STARD9: variants seen among roughly 807,000 people sequenced by gnomAD.
STARD9 encodes stAR-related lipid transfer protein 9.
In STARD9, 346 loss-of-function variants were observed where a neutral mutation model predicts 399.8. The ratio of observed to expected loss-of-function variants is 0.87; its 90% CI spans 0.79 to 0.95. The LOEUF (loss-of-function observed/expected upper bound fraction) is 0.95, where lower values mean the gene tolerates loss of function less well. STARD9 is among the 40% of genes least tolerant of loss of function. The probability of loss-of-function intolerance (pLI) is 0.00; values close to 1 mark genes in which losing one functional copy is unlikely to be tolerated. For synonymous variants in STARD9, 2,203 were observed against 2,143.5 expected (o/e 1.03, Z -0.77); for missense variants, 5,832 against 5,667.5 (o/e 1.03, Z -0.93).
Position 42,692,758 on chromosome 15 carries a change from C to T in STARD9, c.11180C>T (p.Ser3727Phe), listed in dbSNP as rs1794541393. Residue 3727 changes from serine to phenylalanine, a missense_variant, in exon 23 of 33, where the codon TCT becomes TTT. By Grantham distance (155) the Ser-to-Phe change is radical. Coordinates refer to ENST00000290607, the MANE Select transcript of STARD9 (RefSeq NM_020759.3). ...CCACAGGCCCTGATGATGGATGGCT[C>T]TACTCAGACCACTGTGGATGAGGGC... ...KAPQALMMDG[S>F]TQTTVDEGSQ... The T allele has an allele frequency of 2.6e-6, 4 of 1,537,006 alleles. No individual in the cohort carries two copies. Among genetic ancestry groups the T allele is most frequent in the Admixed American group, 3.9e-5 (2 of 50,978 alleles).
intron 13 of STARD9, among the ~76,000 whole-genome samples, chr15:42,664,401 T>C (rs1025892730): frequency 6.6e-6 from 1 of 152,348 alleles, no homozygotes; most frequent in Admixed American, 6.5e-5. Flanking sequence ...TCTTGCTCTG[T>C]TGCCCAGGCT....
chr15:42,608,594 T>TCCATC (rs1385869728), intron 3 of STARD9, among the ~76,000 whole-genome samples: 1 of 152,180 alleles, frequency 6.6e-6, no homozygotes, highest in Non-Finnish European at 1.5e-5. Context: ...GAACAAAAAC[T>TCCATC]CCATCCTCCA....
At chr15:42,623,622 T>C (rs775537637) in intron 3 of STARD9, among the ~76,000 whole-genome samples, 1 of 152,214 alleles carries the variant, frequency 6.6e-6, no homozygotes, top group Non-Finnish European at 1.5e-5. Flanking sequence ...TTTCTTTCCG[T>C]TGGGTATGGC....
chr15:42,711,068 C>A (rs2061208020), intron 26 of STARD9, among the ~76,000 whole-genome samples: 1 of 151,910 alleles, frequency 6.6e-6, no homozygotes, highest in African/African-American at 2.4e-5. Flanking sequence ...ACCTGCAACA[C>A]CTGACCTCAA....
chr15:42,638,375 G>A (rs1428760191), intron 6 of STARD9, among the ~76,000 whole-genome samples: 3 of 152,220 alleles, frequency 2.0e-5, no homozygotes, highest in East Asian at 1.9e-4. Flanking sequence ...AGAGCTCAAC[G>A]GTCATGTTTG....
At position 42,618,630 on chromosome 15, in the gene STARD9, C is replaced by T. The variant is rs2059020965; in HGVS notation, c.235-16226C>T. Reference sequence around the variant, plus strand: ...TATTTATTTATTTTTTTGAATCTTGCTCTGTCACCAGGCTGGAGTGCAGTG... The same window carrying T: ...TATTTATTTATTTTTTTGAATCTTGTTCTGTCACCAGGCTGGAGTGCAGTG... On this transcript the variant is annotated intron_variant, in intron 3 of 32. Coordinates refer to ENST00000290607, the MANE Select transcript of STARD9 (RefSeq NM_020759.3). Among the ~76,000 whole-genome samples, 3 of 151,026 alleles carry T rather than the reference C, an allele frequency of 2.0e-5. No individual in the cohort carries two copies. The South Asian group carries it at 6.3e-4, about 32-fold the overall frequency.
Position 42,675,733 on chromosome 15 carries a change from G to A in STARD9, c.1757G>A (p.Arg586Gln), listed in dbSNP as rs761928224. The change falls in exon 19 of 33, where the codon CGG becomes CAG. Residue 586 changes from arginine (R) to glutamine (Q), a missense_variant. Physicochemically the swap from Arg to Gln is conservative, Grantham distance 43. Around this residue, in one of 2 missense-constraint regions of STARD9, gnomAD observed 5,828 missense variants for 5,651.1 expected, o/e 1.03. Transcript: ENST00000290607. ...CACCCAGCAGAGGCTGCTGTCCTGC[G>A]GCAGCGAAGGCAGGTTAGCAGGGCT... is the stretch of plus-strand genomic sequence containing the variant. ...FNHPAEAAVL[R>Q]QRRQVGEAAA... 65 of 1,536,898 alleles carry A rather than the reference G, an allele frequency of 4.2e-5. No individual in the cohort carries two copies. Among genetic ancestry groups the A allele is most frequent in the African/African-American group, 2.6e-4 (19 of 73,028 alleles).
At position 42,689,449 on chromosome 15, in the gene STARD9, A is replaced by G; in HGVS notation, c.7871A>G (p.Glu2624Gly). ...PGFHVASLSA[E>G]AGQIDLLPDE... Reference sequence around the variant, plus strand: ...TTTCATGTGGCATCTCTATCTGCTGAAGCAGGGCAGATAGATCTGTTACCT... The same window carrying G: ...TTTCATGTGGCATCTCTATCTGCTGGAGCAGGGCAGATAGATCTGTTACCT... Residue 2624 changes from glutamate to glycine, a missense_variant, in exon 23 of 33, where the codon GAA (glutamate) becomes GGA (glycine). Physicochemically the swap from Glu to Gly is moderately conservative, Grantham distance 98. This residue lies in a region of STARD9 where 5,828 missense variants were observed against 5,651.1 expected (regional missense o/e 1.03). Transcript: ENST00000290607. 6.5e-7 allele frequency: 1 copy of G among 1,537,270 alleles called. No homozygotes were observed. The highest frequency in any genetic ancestry group is 8.7e-7 in the Non-Finnish European group (1 of 1,146,816).
At chr15:42,598,986 CAATCT>C (rs2058570516) in intron 3 of STARD9, among the ~76,000 whole-genome samples, 1 of 152,084 alleles carries the variant, frequency 6.6e-6, no homozygotes, top group Non-Finnish European at 1.5e-5. Context: ...TGCAGTGGCA[CAATCT>C]CAGCTCACTG....
chr15:42,644,027 A>G (rs1018243911), intron 7 of STARD9, among the ~76,000 whole-genome samples: 2 of 152,262 alleles, frequency 1.3e-5, no homozygotes, highest in Non-Finnish European at 2.9e-5. Context: ...CTAAAACAAC[A>G]TGTATACAGA....
At chr15:42,683,172 A>T (rs1336020116) in intron 22 of STARD9, among the ~76,000 whole-genome samples, 1 of 152,186 alleles carries the variant, frequency 6.6e-6, no homozygotes, top group East Asian at 1.9e-4. Context: ...TATCCTCAGG[A>T]CCTAGCACAG....
Position 42,684,707 on chromosome 15 carries a change from G to A in STARD9, c.3129G>A (p.Arg1043=), listed in dbSNP as rs1480285905. ...CTTCTCCAAGCAGGGCATCAAAAAG[G>A]CATCAGAGGGTTCTGGCAACTAGGG... is the stretch of plus-strand genomic sequence containing the variant. ...KPPSPSRASK[R]HQRVLATRVR... The change falls in exon 23 of 33, where the codon AGG becomes AGA. Residue 1043 remains arginine, a synonymous_variant. Transcript: ENST00000290607. The A allele has an allele frequency of 6.5e-7, 1 of 1,537,192 alleles. No homozygotes were observed. Among genetic ancestry groups the A allele is most frequent in the Non-Finnish European group, 8.7e-7 (1 of 1,146,908 alleles).
chr15:42,594,237 A>C (rs772373681), intron 3 of STARD9, among the ~76,000 whole-genome samples: 1 of 152,212 alleles, frequency 6.6e-6, no homozygotes, highest in East Asian at 1.9e-4. Flanking sequence ...ACAGAGCTGG[A>C]CTGCAGGAAC....
At chr15:42,633,993 A>G (rs148374586) in intron 3 of STARD9, among the ~76,000 whole-genome samples, 2 of 152,144 alleles carry the variant, frequency 1.3e-5, no homozygotes, top group East Asian at 3.9e-4. Flanking sequence ...GGAGAGGAAT[A>G]TCTGGCCTGT....
intron 15 of STARD9, among the ~76,000 whole-genome samples, chr15:42,667,556 G>A (rs141905082): frequency 1.2e-4 from 18 of 151,494 alleles, no homozygotes; most frequent in Non-Finnish European, 1.6e-4. Flanking sequence ...ATCTCGGCTC[G>A]CTGTAACCTC....
chr15:42,643,763 A>G (rs1052629094), intron 7 of STARD9, among the ~76,000 whole-genome samples: 3 of 152,104 alleles, frequency 2.0e-5, no homozygotes, highest in Non-Finnish European at 4.4e-5. Flanking sequence ...CCTCTTTTGT[A>G]GTATATTTAT....
rs888095586 is a variant in STARD9, at chr15:42,662,892, G to T, written c.868+1G>T. ...CTAGGAATTGTCATCTCCACCTTAG[G>T]TATTTTCTGATAGATAATGGGAGTG... On this transcript the variant is annotated splice_donor_variant, in intron 11 of 32. Transcript: ENST00000290607. LOFTEE classifies it high-confidence loss of function. 1.4e-5 allele frequency: 22 copies of T among 1,530,448 alleles called. No individual in the cohort carries two copies. The highest frequency in any genetic ancestry group is 1.8e-5 in the Non-Finnish European group (21 of 1,140,814). The allele number at this position is 1,530,448 out of a possible 1,614,324, so 94.8% of individuals were successfully genotyped here.
Position 42,685,217 on chromosome 15 carries a change from A to C in STARD9, c.3639A>C (p.Glu1213Asp). The change falls in exon 23 of 33, where the codon GAA becomes GAC. Residue 1213 changes from glutamate to aspartate, a missense_variant. By Grantham distance (45) the Glu-to-Asp change is conservative. Around this residue, in one of 2 missense-constraint regions of STARD9, gnomAD observed 5,828 missense variants for 5,651.1 expected, o/e 1.03. Coordinates refer to ENST00000290607, the MANE Select transcript of STARD9 (RefSeq NM_020759.3). ...SLDSLIDAEE[E>D]LGEDQQEEPF... ...ATAGCCTGATTGATGCAGAGGAAGA[A>C]CTGGGGGAAGATCAGCAAGAAGAAC... The C allele has an allele frequency of 6.5e-7, 1 of 1,537,304 alleles. No individual in the cohort carries two copies. Among genetic ancestry groups the C allele is most frequent in the Non-Finnish European group, 8.7e-7 (1 of 1,146,954 alleles).
Position 42,652,527 on chromosome 15 carries a change from G to A in STARD9, c.637G>A (p.Ala213Thr), listed in dbSNP as rs1373003105. 5 of 1,537,242 alleles carry A rather than the reference G, an allele frequency of 3.3e-6. No homozygotes were observed. The South Asian group carries it at 5.9e-5, about 18-fold the overall frequency. ...TTTTCCTTGTATACACAGAATCACA[G>A]CAGCCACCCATGTTCATGAGGCCAG... ...LEEGIANRIT[A>T]ATHVHEASSR... Residue 213 changes from alanine (A) to threonine (T), a missense_variant, in exon 9 of 33, where the codon GCA becomes ACA. By Grantham distance (58) the Ala-to-Thr change is moderately conservative. This residue lies in a region of STARD9 where 5,828 missense variants were observed against 5,651.1 expected (regional missense o/e 1.03). Coordinates refer to ENST00000290607, the MANE Select transcript of STARD9 (RefSeq NM_020759.3).
Sources: allele counts gnomAD v4.1 joint callset (sites outside exome capture counted in the v4.1 genomes callset), GRCh38; gene constraint gnomAD v4.1.1; regional missense constraint gnomAD v4.1.1; transcripts MANE v1.5; gene names NCBI Gene and HGNC (gene_info 2026-07-23, HGNC 2026-07-21).